Variants in GALNT13 observed in about 807,000 individuals in gnomAD.
GALNT13 encodes UDP-GalNAc:polypeptide N-acetylgalactosaminyltransferase 13.
In GALNT13, 28 loss-of-function variants were observed where a neutral mutation model predicts 64.2. The observed-to-expected ratio is 0.44, with a 90% confidence interval of 0.32 to 0.60. GALNT13 has a LOEUF of 0.60. Among genes scored for constraint, GALNT13 ranks in the 20% least tolerant of loss-of-function variants. The pLI is 0.05. For synonymous variants in GALNT13, 214 were observed against 224.6 expected (o/e 0.95, Z 0.42); for missense variants, 577 against 669.8 (o/e 0.86, Z 1.53).
the GALNT13 span, among the ~76,000 whole-genome samples, chr2:153,409,396 T>C: frequency 1.7e-4 from 22 of 130,372 alleles, 1 homozygote; most frequent in Admixed American, 1.6e-3. Context: ...ATATATCTCC[T>C]AGTAGTTCTG....
At chr2:153,707,825 G>A in the GALNT13 span, among the ~76,000 whole-genome samples, 1 of 152,246 alleles carries the variant, frequency 6.6e-6, no homozygotes, top group Admixed American at 6.5e-5. Flanking sequence ...AGACCAGGGA[G>A]GAATATAATT....
chr2:153,222,319 G>C, the GALNT13 span, among the ~76,000 whole-genome samples: 6,330 of 109,024 alleles, frequency 0.058, 1 homozygote, highest in Middle Eastern at 0.085. Flanking sequence ...GGGGGGGGGG[G>C]GGGGGGGTGG....
chr2:153,138,963 T>A, the GALNT13 span, among the ~76,000 whole-genome samples: 2 of 152,044 alleles, frequency 1.3e-5, no homozygotes, highest in Non-Finnish European at 2.9e-5. Flanking sequence ...TGGAAATATT[T>A]GAGGATATGG....
chr2:153,726,350 GT>G, the GALNT13 span, among the ~76,000 whole-genome samples: 3 of 151,690 alleles, frequency 2.0e-5, no homozygotes, highest in Middle Eastern at 3.2e-3. Context: ...AAAAATGCAA[GT>G]TTTTTTTCAT....
At chr2:153,111,281 T>C in the GALNT13 span, among the ~76,000 whole-genome samples, 2 of 152,036 alleles carry the variant, frequency 1.3e-5, no homozygotes, top group Admixed American at 1.3e-4. Flanking sequence ...ATAAAACAAA[T>C]CTGAAATACT....
chr2:153,070,426 A>G, the GALNT13 span, among the ~76,000 whole-genome samples: 1 of 152,234 alleles, frequency 6.6e-6, no homozygotes, highest in African/African-American at 2.4e-5. Flanking sequence ...AAACCATAGA[A>G]CTCTACAACA....
chr2:154,348,886 A>G (rs1696225697), intron 9 of GALNT13, among the ~76,000 whole-genome samples: 1 of 152,186 alleles, frequency 6.6e-6, no homozygotes, highest in African/African-American at 2.4e-5. Flanking sequence ...AAGTTTTTAA[A>G]GGGTCATGGA....
intron 3 of GALNT13, among the ~76,000 whole-genome samples, chr2:154,068,848 T>G (rs964944658): frequency 2.6e-5 from 4 of 152,100 alleles, no homozygotes; most frequent in African/African-American, 9.6e-5. Flanking sequence ...TAATTTATTG[T>G]ACATTTTTAA....
chr2:153,783,503 C>A, the GALNT13 span, among the ~76,000 whole-genome samples: 1 of 152,074 alleles, frequency 6.6e-6, no homozygotes, highest in Non-Finnish European at 1.5e-5. Flanking sequence ...TCATCAGTCA[C>A]CTTCAATGGT....
chr2:153,226,824 G>A, the GALNT13 span, among the ~76,000 whole-genome samples: 286 of 152,322 alleles, frequency 1.9e-3, 1 homozygote, highest in Non-Finnish European at 3.3e-3. Context: ...TAAACATAAT[G>A]CATCCAGCTC....
chr2:153,402,658 C>G, the GALNT13 span, among the ~76,000 whole-genome samples: 2 of 152,110 alleles, frequency 1.3e-5, no homozygotes, highest in Non-Finnish European at 2.9e-5. Context: ...AACTTCCCTT[C>G]TCGCTTCATT....
At chr2:154,025,997 A>T (rs762238531) in intron 3 of GALNT13, among the ~76,000 whole-genome samples, 1 of 152,172 alleles carries the variant, frequency 6.6e-6, no homozygotes, top group Admixed American at 6.5e-5. Context: ...ACTTGCCATT[A>T]TATAAGGAAT....
the GALNT13 span, among the ~76,000 whole-genome samples, chr2:153,709,747 C>T: frequency 6.6e-6 from 1 of 151,838 alleles, no homozygotes; most frequent in Admixed American, 6.6e-5. Context: ...ACTTCAGTGC[C>T]CATCAACAAA....
intron 11 of GALNT13, among the ~76,000 whole-genome samples, chr2:154,421,191 G>T (rs186435985): frequency 6.8e-4 from 104 of 152,046 alleles, no homozygotes; most frequent in African/African-American, 2.2e-3. Flanking sequence ...ATATGCAAGT[G>T]AAATGAAGAT....
At chr2:153,479,989 T>G in the GALNT13 span, among the ~76,000 whole-genome samples, 1 of 152,128 alleles carries the variant, frequency 6.6e-6, no homozygotes, top group East Asian at 1.9e-4. Flanking sequence ...ACCAGTAACT[T>G]GAGCTTCCAA....
the GALNT13 span, among the ~76,000 whole-genome samples, chr2:153,164,887 C>G: frequency 6.6e-6 from 1 of 152,268 alleles, no homozygotes; most frequent in African/African-American, 2.4e-5. Flanking sequence ...AAGGAGACTG[C>G]CCCAATTTCT....
At chr2:153,126,713 G>T in the GALNT13 span, among the ~76,000 whole-genome samples, 1 of 152,126 alleles carries the variant, frequency 6.6e-6, no homozygotes, top group Admixed American at 6.5e-5. Flanking sequence ...CTGGAATTTA[G>T]CATTTAGAAC....
chr2:154,357,144 G>A (rs547495060), intron 9 of GALNT13, among the ~76,000 whole-genome samples: 32 of 150,896 alleles, frequency 2.1e-4, no homozygotes, highest in Non-Finnish European at 4.1e-4. Flanking sequence ...CATTTCCAAG[G>A]TCAAACCAGT....
chr2:154,343,149 TG>T (rs896365071), intron 9 of GALNT13, among the ~76,000 whole-genome samples: 1 of 151,896 alleles, frequency 6.6e-6, no homozygotes, highest in African/African-American at 2.4e-5. Context: ...GAGCTAAACA[TG>T]GGGGCATCAG....
Sources: allele counts gnomAD v4.1 joint callset (sites outside exome capture counted in the v4.1 genomes callset), GRCh38; gene constraint gnomAD v4.1.1; transcripts MANE v1.5; gene names NCBI Gene and HGNC (gene_info 2026-07-23, HGNC 2026-07-21).